The following IKBKB variants were observed in gnomAD, a reference collection of about 807,000 sequenced individuals.
IKBKB encodes inhibitor of nuclear factor kappa-B kinase subunit beta.
In IKBKB, 42 loss-of-function variants were observed where a neutral mutation model predicts 113.6. The ratio of observed to expected loss-of-function variants is 0.37; its 90% CI spans 0.29 to 0.48. IKBKB has a LOEUF of 0.48. IKBKB is among the 20% of genes least tolerant of loss of function. IKBKB has a pLI of 0.99. For synonymous variants in IKBKB, 296 were observed against 361.3 expected (o/e 0.82, Z 2.05); for missense variants, 673 against 939.7 (o/e 0.72, Z 3.71).
chr8:42,312,769 C>T (rs1037151670), intron 8 of IKBKB, among the ~76,000 whole-genome samples: 7 of 152,226 alleles, frequency 4.6e-5, no homozygotes, highest in Non-Finnish European at 1.0e-4. Context: ...TGCCACGCAC[C>T]GGCTCTTCTA....
chr8:42,288,120 C>T (rs1811793780), intron 2 of IKBKB, among the ~76,000 whole-genome samples: 2 of 152,040 alleles, frequency 1.3e-5, no homozygotes, highest in Non-Finnish European at 2.9e-5. Context: ...GGTGCGGTGG[C>T]TCACGTCTGT....
In IKBKB at chr8:42,322,165, G is replaced by A. The variant is rs767894077; in HGVS notation, c.1838+12G>A. The A allele has an allele frequency of 3.0e-5, 48 of 1,607,720 alleles. No homozygotes were observed. The highest frequency in any genetic ancestry group is 1.2e-4 in the Admixed American group (7 of 59,956). On this transcript the variant is annotated intron_variant, in intron 18 of 21. Coordinates refer to ENST00000520810, the MANE Select transcript of IKBKB (RefSeq NM_001556.3). ...TATACGCAGCTCAGGTATGAGCCCC[G>A]ACCTTCCTGCTCTGGAGGAAGGACT...
At chr8:42,326,318 C>G in intron 20 of IKBKB, 1 of 559,038 alleles carries the variant, frequency 1.8e-6, no homozygotes. Flanking sequence ...GCTTGGATGA[C>G]TAACTGCTTA....
chr8:42,328,857 C>T (rs1351631220), intron 20 of IKBKB, among the ~76,000 whole-genome samples: 12 of 152,062 alleles, frequency 7.9e-5, no homozygotes, highest in Admixed American at 7.9e-4. Flanking sequence ...AGTCAGAAAG[C>T]AGAAAGAGGT....
At chr8:42,294,780 G>C (rs1266843482) in intron 5 of IKBKB, among the ~76,000 whole-genome samples, 4 of 152,180 alleles carry the variant, frequency 2.6e-5, no homozygotes. Flanking sequence ...TCTCTTCTCT[G>C]TCTACCTAGA....
intron 5 of IKBKB, among the ~76,000 whole-genome samples, chr8:42,303,185 T>C (rs1815779894): frequency 6.7e-6 from 1 of 150,082 alleles, no homozygotes; most frequent in African/African-American, 2.5e-5. Context: ...AGAATGAGAA[T>C]GGTGGTGGCG....
In IKBKB at chr8:42,318,685, C is replaced by G. The variant is rs1176523037; in HGVS notation, c.1364+10C>G. The G allele has an allele frequency of 6.3e-7, 1 of 1,581,720 alleles. No individual in the cohort carries two copies. Among genetic ancestry groups the G allele is most frequent in the East Asian group, 2.2e-5 (1 of 44,500 alleles). On this transcript the variant is annotated intron_variant, in intron 13 of 21. Coordinates refer to ENST00000520810, the MANE Select transcript of IKBKB (RefSeq NM_001556.3). ...GACAGCGAGCCGCCATGTAGCGTGC[C>G]AGGCTTTTTTTTTAAACTTAATTTA...
rs2130637914 is a variant in IKBKB, at chr8:42,316,728, A to G, written c.949A>G (p.Met317Val). The change falls in exon 11 of 22, where the codon ATG (methionine) becomes GTG (valine). Residue 317 changes from methionine (M) to valine (V), a missense_variant. Around this residue, in one of 2 missense-constraint regions of IKBKB, gnomAD observed 506 missense variants for 638.7 expected, o/e 0.79. Transcript: ENST00000520810. This position sits in a 1 kb window ranked among gnomAD's most constrained non-coding sequence, Gnocchi z 4.5. ...GTTGCAGCTGGTTCATATCTTGAAC[A>G]TGGTCACGGGCACCATCCACACCTA... is the stretch of plus-strand genomic sequence containing the variant. ...LNLKLVHILN[M>V]VTGTIHTYPV... is the part of the protein sequence containing the mutation. The G allele has an allele frequency of 1.2e-6, 2 of 1,612,494 alleles. No individual in the cohort carries two copies. The highest frequency in any genetic ancestry group is 1.7e-6 in the Non-Finnish European group (2 of 1,178,706).
chr8:42,306,918 G>A (rs1031276586), intron 7 of IKBKB, among the ~76,000 whole-genome samples: 3 of 152,180 alleles, frequency 2.0e-5, no homozygotes, highest in Non-Finnish European at 2.9e-5. Flanking sequence ...GTTTCTGTTT[G>A]AGTCACTCAT....
chr8:42,282,302 A>G (rs1443691284), intron 2 of IKBKB, among the ~76,000 whole-genome samples: 2 of 152,198 alleles, frequency 1.3e-5, no homozygotes, highest in Non-Finnish European at 2.9e-5. Flanking sequence ...TCCGAGGGTC[A>G]GGAGATTCTC....
chr8:42,296,360 G>T (rs768583494), intron 5 of IKBKB, among the ~76,000 whole-genome samples: 2 of 152,226 alleles, frequency 1.3e-5, no homozygotes, highest in African/African-American at 4.8e-5. Flanking sequence ...GGCCAGACGC[G>T]GTGGCTCACG....
At chr8:42,302,775 A>T (rs1815519831) in intron 5 of IKBKB, among the ~76,000 whole-genome samples, 1 of 152,252 alleles carries the variant, frequency 6.6e-6, no homozygotes, top group East Asian at 1.9e-4. Context: ...CAAAAAAAAA[A>T]AAACTGATCC....
chr8:42,313,176 C>T (rs1327461405), intron 8 of IKBKB, among the ~76,000 whole-genome samples: 2 of 152,200 alleles, frequency 1.3e-5, no homozygotes. Context: ...ACTGGCCGGG[C>T]ACTGTGGCTT....
Position 42,316,094 on chromosome 8 carries a change from AT to A in IKBKB, c.801-112del. 9.0e-7 allele frequency: 1 copy of A among 1,117,200 alleles called. No individual in the cohort carries two copies. The highest frequency in any genetic ancestry group is 1.3e-6 in the Non-Finnish European group (1 of 785,042). 69.2% of individuals were successfully genotyped at this position (1,117,200 alleles called of 1,614,324 possible). A position where few individuals can be genotyped will look rare whatever the true frequency, so the allele number is the denominator to read the frequency against. ...TGTTTATACTGTTTCTGATAAACCC[AT>A]TTTCATTTTCAATCACCGTCTACTG... On this transcript the variant is annotated intron_variant, in intron 9 of 21. Transcript: ENST00000520810. This position sits in a 1 kb window ranked among gnomAD's most constrained non-coding sequence, Gnocchi z 4.5.
chr8:42,305,099 A>T, intron 5 of IKBKB, 88 bp from the exon 6 acceptor site: 1 of 848,524 alleles, frequency 1.2e-6, no homozygotes, highest in South Asian at 1.4e-5. Context: ...TTTCAGGGGC[A>T]TGCGGCATTT....
Position 42,322,450 on chromosome 8 carries a change from G to A in IKBKB, c.1942G>A (p.Glu648Lys). The A allele has an allele frequency of 6.2e-7, 1 of 1,614,048 alleles. No homozygotes were observed. Residue 648 changes from glutamate to lysine, a missense_variant, in exon 19 of 22, where the codon GAG (glutamate) becomes AAG (lysine). Physicochemically the swap from Glu to Lys is moderately conservative, Grantham distance 56 (BLOSUM62 1). Coordinates refer to ENST00000520810, the MANE Select transcript of IKBKB (RefSeq NM_001556.3). ...TGAGAAGACTGTTGTCCGGCTGCAG[G>A]AGAAGCGGCAGAAGGAGCTCTGGAA... is the stretch of plus-strand genomic sequence containing the variant. The part of the protein sequence containing the change: ...EDEKTVVRLQ[E>K]KRQKELWNLL...
In IKBKB at chr8:42,316,750, C is replaced by T. The variant is rs754812986; in HGVS notation, c.971C>T (p.Thr324Ile). ...AACATGGTCACGGGCACCATCCACA[C>T]CTACCCTGTGACAGAGGATGAGAGT... ...ILNMVTGTIH[T>I]YPVTEDESLQ... The change falls in exon 11 of 22, where the codon ACC becomes ATC. Residue 324 changes from threonine (T) to isoleucine (I), a missense_variant. Thr to Ile is a moderately conservative substitution (Grantham distance 89). This residue lies in a region of IKBKB where 506 missense variants were observed against 638.7 expected (regional missense o/e 0.79). Coordinates refer to ENST00000520810, the MANE Select transcript of IKBKB (RefSeq NM_001556.3). The surrounding 1 kb of genome is among the most constrained non-coding windows in gnomAD (Gnocchi z 4.5). The T allele has an allele frequency of 2.5e-6, 4 of 1,614,114 alleles. No individual in the cohort carries two copies. The Admixed American group carries it at 5.0e-5, about 20-fold the overall frequency.
rs764627236 is a variant in IKBKB at position 42,322,134 on chromosome 8, G to A, written c.1819G>A (p.Val607Met). The A allele has an allele frequency of 1.2e-5, 20 of 1,613,542 alleles. No homozygotes were observed. In the Admixed American group the frequency reaches 1.5e-4, roughly 12 times the overall value. ...TCAGAGCTTCGAGAAGAAAGTGCGA[G>A]TGATCTATACGCAGCTCAGGTATGA... ...AIQSFEKKVR[V>M]IYTQLSKTVV... Residue 607 changes from valine (V) to methionine (M), a missense_variant, in exon 18 of 22, where the codon GTG becomes ATG. Transcript: ENST00000520810.
At chr8:42,298,310 T>G (rs1814343500) in intron 5 of IKBKB, 2 of 985,310 alleles carry the variant, frequency 2.0e-6, no homozygotes, top group Non-Finnish European at 1.2e-6. Flanking sequence ...GCCAGTCTGC[T>G]GTGGTGACAC....
Sources: allele counts gnomAD v4.1 joint callset (sites outside exome capture counted in the v4.1 genomes callset), GRCh38; gene constraint gnomAD v4.1.1; regional missense constraint gnomAD v4.1.1; non-coding constraint Gnocchi (gnomAD v3.1); transcripts MANE v1.5; gene names NCBI Gene and HGNC (gene_info 2026-07-23, HGNC 2026-07-21).